The following BTBD1 variants were observed in gnomAD, a reference collection of about 807,000 sequenced individuals.
BTBD1 encodes the protein BTB/POZ domain-containing protein 1.
In BTBD1, 34 loss-of-function variants were observed where a neutral mutation model predicts 48.0. The observed-to-expected ratio is 0.71, with a 90% CI of 0.54 to 0.94. The LOEUF is 0.94. Among genes scored for constraint, BTBD1 ranks in the 40% least tolerant of loss-of-function variants. The probability of loss-of-function intolerance (pLI) is 0.00; values close to 1 mark genes in which losing one functional copy is unlikely to be tolerated. For synonymous variants in BTBD1, 261 were observed against 242.1 expected, an observed-to-expected ratio of 1.08 and a Z score of -0.72; for missense variants, 543 against 625.6, an observed-to-expected ratio of 0.87 and a Z score of 1.41.
At chr15:83,059,210 G>A (rs900759639) in intron 1 of BTBD1, among the ~76,000 whole-genome samples, 3 of 151,988 alleles carry the variant, frequency 2.0e-5, no homozygotes, top group Non-Finnish European at 2.9e-5. Context: ...AAATAATTAC[G>A]TCCACCCAGG....
At chr15:83,054,035 A>G (rs2033039290) in intron 2 of BTBD1, among the ~76,000 whole-genome samples, 1 of 152,204 alleles carries the variant, frequency 6.6e-6, no homozygotes, top group Admixed American at 6.5e-5. Flanking sequence ...TTCATCTTTA[A>G]AAAGAGAATA....
At chr15:83,042,181 T>C (rs2032773564) in intron 3 of BTBD1, among the ~76,000 whole-genome samples, 1 of 151,714 alleles carries the variant, frequency 6.6e-6, no homozygotes, top group Non-Finnish European at 1.5e-5. Context: ...TCTCCTTATA[T>C]ATTTATGCCA....
At chr15:83,064,554 T>C (rs1238297920) in intron 1 of BTBD1, among the ~76,000 whole-genome samples, 3 of 152,178 alleles carry the variant, frequency 2.0e-5, no homozygotes, top group African/African-American at 7.2e-5. Flanking sequence ...ATCCTAGTAA[T>C]CTCAATATTT....
At chr15:83,052,677 C>T (rs533299596) in intron 2 of BTBD1, among the ~76,000 whole-genome samples, 18 of 148,920 alleles carry the variant, frequency 1.2e-4, no homozygotes, top group Non-Finnish European at 2.1e-4. Context: ...GTCGCCCAGG[C>T]TGGAGTGCAG....
At position 83,056,586 on chromosome 15, in the gene BTBD1, G is replaced by A; in HGVS notation, c.402-41C>T. 3 of 1,540,884 alleles carry A rather than the reference G, an allele frequency of 1.9e-6. No individual in the cohort carries two copies. In the South Asian group the frequency reaches 3.4e-5, roughly 17 times the overall value. On this transcript the variant is annotated intron_variant, in intron 1 of 7. Coordinates refer to ENST00000261721, the MANE Select transcript of BTBD1 (RefSeq NM_025238.4). ...CATATTTGCAGAGATGGTCAGTAAT[G>A]TTTTAGATAAGCAATCCATCACAGT...
intron 4 of BTBD1, among the ~76,000 whole-genome samples, chr15:83,037,725 A>G (rs1440557838): frequency 1.3e-5 from 2 of 152,216 alleles, no homozygotes; most frequent in Non-Finnish European, 1.5e-5. Context: ...ATGCACCCAA[A>G]TAAGAAAAGA....
chr15:83,066,662 G>C lies in BTBD1; in HGVS notation c.401+89C>G, dbSNP rs967326226. 4.0e-6 allele frequency: 5 copies of C among 1,254,166 alleles called. No individual in the cohort carries two copies. In the South Asian group the frequency reaches 1.4e-4, roughly 36 times the overall value. 77.7% of individuals were successfully genotyped at this position (1,254,166 alleles called of 1,614,324 possible). A position where few individuals can be genotyped will look rare whatever the true frequency, so the allele number is the denominator to read the frequency against. On this transcript the variant is annotated intron_variant, in intron 1 of 7. Coordinates refer to ENST00000261721, the MANE Select transcript of BTBD1 (RefSeq NM_025238.4). ...AGAAGAGCCCAGCCCAAGGTCATCC[G>C]GGAGTCCGGGTAGGCCGGGCCCCGG...
Position 83,051,903 on chromosome 15 carries a change from C to CACACACACACACACACAT in BTBD1, c.559-1726_559-1725insATGTGTGTGTGTGTGTGT, listed in dbSNP as rs1405843210. On this transcript the variant is annotated intron_variant, in intron 2 of 7. Transcript: ENST00000261721. ...ACACACACACACACACACACACACA[C>CACACACACACACACACAT]ATCTATCTGGGAGGAGAGACTAAAC... Among the ~76,000 whole-genome samples, 3 of 151,420 alleles carry CACACACACACACACACAT rather than the reference C, an allele frequency of 2.0e-5. No homozygotes were observed. In the East Asian group the frequency reaches 5.8e-4, roughly 29 times the overall value.
chr15:83,053,226 CTT>C (rs2033025735), intron 2 of BTBD1, among the ~76,000 whole-genome samples: 1 of 152,102 alleles, frequency 6.6e-6, no homozygotes, highest in South Asian at 2.1e-4. Flanking sequence ...TATACTGGCA[CTT>C]TGCTTTAGAG....
At chr15:83,061,616 C>T (rs1293390008) in intron 1 of BTBD1, 1 of 152,234 alleles carries the variant, frequency 6.6e-6, no homozygotes, top group African/African-American at 2.4e-5. Flanking sequence ...TTTTGTGTTC[C>T]TCGGAGTCAT....
At chr15:83,044,946 A>G (rs2032847721) in intron 3 of BTBD1, among the ~76,000 whole-genome samples, 1 of 152,198 alleles carries the variant, frequency 6.6e-6, no homozygotes, top group African/African-American at 2.4e-5. Flanking sequence ...CCCTTTGGTT[A>G]ATAAATAAAT....
intron 5 of BTBD1, among the ~76,000 whole-genome samples, chr15:83,025,880 CT>C (rs975767469): frequency 6.6e-6 from 1 of 152,122 alleles, no homozygotes; most frequent in African/African-American, 2.4e-5. Flanking sequence ...CGCAATTCTC[CT>C]GTCTCAGCCT....
At position 83,066,870 on chromosome 15, in the gene BTBD1, G is replaced by A; in HGVS notation, c.282C>T (p.Arg94=). ...CGGCGCTGCCGGCCGCCAGCACGAA[G>A]CGGTGGGCGGGGATGCGCTGCGGGC... is the stretch of plus-strand genomic sequence containing the variant. The part of the protein sequence containing the change: ...AGGPQRIPAH[R]FVLAAGSAVF... Residue 94 remains arginine, a synonymous_variant, in exon 1 of 8, where the codon CGC becomes CGT. Coordinates refer to ENST00000261721, the MANE Select transcript of BTBD1 (RefSeq NM_025238.4). 1 of 1,477,968 alleles carries A rather than the reference G, an allele frequency of 6.8e-7. No individual in the cohort carries two copies. The highest frequency in any genetic ancestry group is 8.9e-7 in the Non-Finnish European group (1 of 1,117,874). The allele number at this position is 1,477,968 out of a possible 1,614,324, so 91.6% of individuals were successfully genotyped here. A position where few individuals can be genotyped will look rare whatever the true frequency, so the allele number is the denominator to read the frequency against.
Position 83,066,915 on chromosome 15 carries a change from G to A in BTBD1, c.237C>T (p.Arg79=). The A allele has an allele frequency of 6.5e-7, 1 of 1,531,944 alleles. No homozygotes were observed. The allele number at this position is 1,531,944 out of a possible 1,614,324, so 94.9% of individuals were successfully genotyped here. A position where few individuals can be genotyped will look rare whatever the true frequency, so the allele number is the denominator to read the frequency against. Residue 79 remains arginine (R), a synonymous_variant, in exon 1 of 8, where the codon CGC becomes CGT. Transcript: ENST00000261721. ...SDVRFVLGKG[R]GAAAAGGPQR... ...GCGGGCCCCCAGCGGCGGCGGCGCCGCGACCCTTGCCCAGTACGAAGCGCA... is the reference window on the plus strand; with the variant it reads ...GCGGGCCCCCAGCGGCGGCGGCGCCACGACCCTTGCCCAGTACGAAGCGCA...
intron 1 of BTBD1, 94 bp from the exon 2 acceptor site, chr15:83,056,639 TTTTTA>T (rs1238210152): frequency 7.5e-5 from 84 of 1,118,176 alleles, no homozygotes; most frequent in South Asian, 1.5e-4. Context: ...TTTACTTATA[TTTTTA>T]TTTTATGTTT....
intron 3 of BTBD1, 23 bp downstream of exon 3, chr15:83,050,050 A>C (rs939355989): frequency 1.4e-6 from 2 of 1,461,672 alleles, no homozygotes; most frequent in Non-Finnish European, 1.9e-6. Flanking sequence ...AAAATGTAAC[A>C]ATTTACTTCA....
chr15:83,024,969 A>G (rs894784261), intron 5 of BTBD1, among the ~76,000 whole-genome samples: 3 of 152,192 alleles, frequency 2.0e-5, no homozygotes, highest in Non-Finnish European at 4.4e-5. Flanking sequence ...TCCATACAAC[A>G]CTAACTTCCT....
chr15:83,019,424 C>G (rs1393893992), intron 6 of BTBD1, among the ~76,000 whole-genome samples: 3 of 151,360 alleles, frequency 2.0e-5, no homozygotes, highest in African/African-American at 4.9e-5. Flanking sequence ...CTCCTGGGCT[C>G]AAGCAATCCT....
intron 4 of BTBD1, among the ~76,000 whole-genome samples, chr15:83,041,168 GAAAA>G (rs542048466): frequency 9.5e-6 from 1 of 104,850 alleles, no homozygotes; most frequent in Non-Finnish European, 2.0e-5. Context: ...AGAAAAAAAA[GAAAA>G]AAAAAAAAAG....
Sources: allele counts gnomAD v4.1 joint callset (sites outside exome capture counted in the v4.1 genomes callset), GRCh38; gene constraint gnomAD v4.1.1; transcripts MANE v1.5; gene names NCBI Gene and HGNC (gene_info 2026-07-23, HGNC 2026-07-21).